The following FGF11 variants were observed in gnomAD, a reference collection of about 807,000 sequenced individuals.
FGF11 encodes the protein fibroblast growth factor homologous factor 3.
A neutral mutation model predicts 25.1 loss-of-function variants in FGF11; 25 were observed. That is an observed-to-expected ratio of 1.00 (90% CI 0.73 to 1.39). The LOEUF (loss-of-function observed/expected upper bound fraction) is 1.39, where lower values mean the gene tolerates loss of function less well. Among genes scored for constraint, FGF11 ranks in the 40% most tolerant of loss-of-function variants. The pLI is 0.00. For missense variants in FGF11, 320 were observed against 311.0 expected, an observed-to-expected ratio of 1.03 and a Z score of -0.22; for synonymous variants, 130 against 128.9, an observed-to-expected ratio of 1.01 and a Z score of -0.06.
In FGF11 at chr17:7,440,958, C is replaced by T; in HGVS notation, c.194-513C>T. 1 of 1,003,638 alleles carries T rather than the reference C, an allele frequency of 1.0e-6. No homozygotes were observed. Among genetic ancestry groups the T allele is most frequent in the Non-Finnish European group, 1.2e-6 (1 of 839,574 alleles). The allele number at this position is 1,003,638 out of a possible 1,614,324, so 62.2% of individuals were successfully genotyped here. On this transcript the variant is annotated intron_variant, in intron 1 of 4. Transcript: ENST00000293829. The surrounding 1 kb of genome is among the most constrained non-coding windows in gnomAD (Gnocchi z 5.4). ...TGGGTCAGTGTCAGACAGGCCGGCG[C>T]TGGGCCAAGGCAAGGCTCTCGCCAA...
rs1222966379 is a variant in FGF11, at chr17:7,439,708, G to A, written c.88G>A (p.Val30Met). The stretch of plus-strand genomic sequence containing the variant: ...CCGGCCGGTGTCGGCGCAGCGGCGC[G>A]TGTGTCCCCGCGGCACCAAGTCCCT... ...GSRPVSAQRR[V>M]CPRGTKSLCQ... The change falls in exon 1 of 5, where the codon GTG becomes ATG. Residue 30 changes from valine to methionine, a missense_variant. Val to Met is a conservative substitution (Grantham distance 21). Coordinates refer to ENST00000293829, the MANE Select transcript of FGF11 (RefSeq NM_004112.4). 6 of 1,567,390 alleles carry A rather than the reference G, an allele frequency of 3.8e-6. No homozygotes were observed. Among genetic ancestry groups the A allele is most frequent in the South Asian group, 3.5e-5 (3 of 85,476 alleles).
At chr17:7,441,703 T>C in intron 2 of FGF11, 73 bp from the exon 3 acceptor site, 1 of 1,565,094 alleles carries the variant, frequency 6.4e-7, no homozygotes, top group Admixed American at 1.8e-5. Context: ...AGGGAAAAAG[T>C]GGAGCTGGGA....
chr17:7,441,198 G>A (rs1247631782), intron 1 of FGF11: 1 of 371,110 alleles, frequency 2.7e-6, no homozygotes, highest in Non-Finnish European at 5.0e-6. Flanking sequence ...TCCCCCTTCT[G>A]GTTGAGCTGT....
In FGF11 at chr17:7,444,581, C is replaced by T. The variant is rs528365688; in HGVS notation, c.*1435C>T. ...ATAGAACTTGCTTTACCTTACAGCT[C>T]ACAACCTCAGCTGGGTTTTAGGTAC... On this transcript the variant is annotated 3_prime_UTR_variant, in exon 5 of 5. Transcript: ENST00000293829. 6.0e-6 allele frequency: 1 copy of T among 167,338 alleles called. No individual in the cohort carries two copies. The highest frequency in any genetic ancestry group is 1.3e-5 in the Non-Finnish European group (1 of 76,152). The allele number at this position is 167,338 out of a possible 1,614,324, so 10.4% of individuals were successfully genotyped here.
At chr17:7,442,559 T>C (rs1358515459) in intron 3 of FGF11, 35 bp from the exon 4 acceptor site, 2 of 1,613,374 alleles carry the variant, frequency 1.2e-6, no homozygotes, top group African/African-American at 1.3e-5. Flanking sequence ...TATCTCTCTG[T>C]CTTTGTGCGC....
At position 7,439,747 on chromosome 17, in the gene FGF11, C is replaced by G; in HGVS notation, c.127C>G (p.Leu43Val). 2 of 1,569,672 alleles carry G rather than the reference C, an allele frequency of 1.3e-6. No homozygotes were observed. Among genetic ancestry groups the G allele is most frequent in the Non-Finnish European group, 8.6e-7 (1 of 1,162,594 alleles). The part of the protein sequence containing the change: ...RGTKSLCQKQ[L>V]LILLSKVRLC... ...CACCAAGTCCCTTTGCCAGAAGCAG[C>G]TCCTCATCCTGCTGTCCAAGGTGCG... The change falls in exon 1 of 5, where the codon CTC (leucine) becomes GTC (valine). Residue 43 changes from leucine (L) to valine (V), a missense_variant. Transcript: ENST00000293829.
At position 7,439,625 on chromosome 17, in the gene FGF11, C is replaced by A. The variant is rs756128069; in HGVS notation, c.5C>A (p.Ala2Glu). The change falls in exon 1 of 5, where the codon GCG becomes GAG. Residue 2 changes from alanine (A) to glutamate (E), a missense_variant. Physicochemically the swap from Ala to Glu is moderately radical, Grantham distance 107 (BLOSUM62 -1). Transcript: ENST00000293829. ...GGTGTCTCCTCCCGGGGCGCTATGG[C>A]GGCGCTGGCCAGTAGCCTGATCCGG... is the stretch of plus-strand genomic sequence containing the variant. The part of the protein sequence containing the change: M[A>E]ALASSLIRQK... The A allele has an allele frequency of 1.2e-5, 17 of 1,438,424 alleles. No individual in the cohort carries two copies. In the Admixed American group the frequency reaches 4.8e-4, roughly 41 times the overall value. The allele number at this position is 1,438,424 out of a possible 1,614,324, so 89.1% of individuals were successfully genotyped here.
chr17:7,442,442 C>T (rs953452533), intron 3 of FGF11, 152 bp from the exon 4 acceptor site: 48 of 1,487,480 alleles, frequency 3.2e-5, no homozygotes, highest in Non-Finnish European at 4.5e-6. Flanking sequence ...CTTCCTTGTC[C>T]TCCCTTTGCT....
chr17:7,440,900 G>GCGGA lies in FGF11; in HGVS notation c.194-569_194-566dup. 1.0e-6 allele frequency: 1 copy of GCGGA among 989,150 alleles called. No individual in the cohort carries two copies. The highest frequency in any genetic ancestry group is 1.2e-6 in the Non-Finnish European group (1 of 832,354). The allele number at this position is 989,150 out of a possible 1,614,324, so 61.3% of individuals were successfully genotyped here. A position where few individuals can be genotyped will look rare whatever the true frequency, so the allele number is the denominator to read the frequency against. On this transcript the variant is annotated intron_variant, in intron 1 of 4. Transcript: ENST00000293829. This position sits in a 1 kb window ranked among gnomAD's most constrained non-coding sequence, Gnocchi z 5.4. ...GGGAGAACTGGGCCCCCGGGAGCCA[G>GCGGA]CGGACTGACAGACAGACAGACAGAC...
At chr17:7,442,365 A>G (rs4151128) in intron 3 of FGF11, 373 of 1,306,514 alleles carry the variant, frequency 2.9e-4, no homozygotes, top group Non-Finnish European at 3.5e-4. Context: ...CGGCCTCCCA[A>G]AGTGTTGGGA....
chr17:7,440,147 A>C lies in FGF11; in HGVS notation c.193+334A>C. ...CGTGCCGGTTCTCGCGATTCTTTCAATCTGGAGCGGAGGGGCCCGGGGGTT... is the reference window on the plus strand; with the variant it reads ...CGTGCCGGTTCTCGCGATTCTTTCACTCTGGAGCGGAGGGGCCCGGGGGTT... On this transcript the variant is annotated intron_variant, in intron 1 of 4. Coordinates refer to ENST00000293829, the MANE Select transcript of FGF11 (RefSeq NM_004112.4). This position sits in a 1 kb window ranked among gnomAD's most constrained non-coding sequence, Gnocchi z 5.4. The C allele has an allele frequency of 2.6e-5, 6 of 232,494 alleles. No individual in the cohort carries two copies. Among genetic ancestry groups the C allele is most frequent in the East Asian group, 8.1e-5 (1 of 12,400 alleles). 14.4% of individuals were successfully genotyped at this position (232,494 alleles called of 1,614,324 possible). A position where few individuals can be genotyped will look rare whatever the true frequency, so the allele number is the denominator to read the frequency against.
In FGF11 at chr17:7,440,774, G is replaced by C. The variant is rs1385024741; in HGVS notation, c.194-697G>C. The C allele has an allele frequency of 1.0e-6, 1 of 986,502 alleles. No individual in the cohort carries two copies. The highest frequency in any genetic ancestry group is 1.2e-6 in the Non-Finnish European group (1 of 830,898). The allele number at this position is 986,502 out of a possible 1,614,324, so 61.1% of individuals were successfully genotyped here. ...TAGGACCGGGCCCCCACGTGACTCAGCCTGCCTCTCCATCTCCTCAGCTCC... is the reference window on the plus strand; with the variant it reads ...TAGGACCGGGCCCCCACGTGACTCACCCTGCCTCTCCATCTCCTCAGCTCC... On this transcript the variant is annotated intron_variant, in intron 1 of 4. Coordinates refer to ENST00000293829, the MANE Select transcript of FGF11 (RefSeq NM_004112.4). The surrounding 1 kb of genome is among the most constrained non-coding windows in gnomAD (Gnocchi z 5.4).
Position 7,441,867 on chromosome 17 carries a change from G to A in FGF11, c.396G>A (p.Leu132=), listed in dbSNP as rs1219862021. The A allele has an allele frequency of 6.2e-7, 1 of 1,604,222 alleles. No homozygotes were observed. The highest frequency in any genetic ancestry group is 1.1e-5 in the South Asian group (1 of 89,500). ...GHYMAMNAEG[L]LYSSPHFTAE... ...ACATGGCCATGAATGCTGAGGGACT[G>A]CTCTACAGTTCGGTGAGACAATGAG... is the stretch of plus-strand genomic sequence containing the variant. Residue 132 remains leucine, a synonymous_variant, in exon 3 of 5, where the codon CTG becomes CTA. Transcript: ENST00000293829.
At chr17:7,442,451 C>G (rs1339958324) in intron 3 of FGF11, 143 bp from the exon 4 acceptor site, 27 of 1,505,066 alleles carry the variant, frequency 1.8e-5, no homozygotes, top group Non-Finnish European at 2.4e-5. Context: ...CCTCCCTTTG[C>G]TCCCAGGTCC....
chr17:7,443,409 A>G lies in FGF11; in HGVS notation c.*263A>G. The G allele has an allele frequency of 4.7e-6, 2 of 424,212 alleles. No homozygotes were observed. Among genetic ancestry groups the G allele is most frequent in the South Asian group, 5.4e-5 (1 of 18,488 alleles). The allele number at this position is 424,212 out of a possible 1,614,324, so 26.3% of individuals were successfully genotyped here. On this transcript the variant is annotated 3_prime_UTR_variant, in exon 5 of 5. Transcript: ENST00000293829. ...TGGCTGATCACTTCTTTCTTTCCAC[A>G]CTCACACAACGCCATGCCTTTTCCT... is the stretch of plus-strand genomic sequence containing the variant.
In FGF11 at chr17:7,442,062, C is replaced by T. The variant is rs1194375137; in HGVS notation, c.408+183C>T. On this transcript the variant is annotated intron_variant, in intron 3 of 4. Coordinates refer to ENST00000293829, the MANE Select transcript of FGF11 (RefSeq NM_004112.4). Reference sequence around the variant, plus strand: ...CAGCTCCTCTAGGGTCTCTCCAGTCCCCACTCCTTGCACACCCCCAAAACA... The same window carrying T: ...CAGCTCCTCTAGGGTCTCTCCAGTCTCCACTCCTTGCACACCCCCAAAACA... 20 of 548,110 alleles carry T rather than the reference C, an allele frequency of 3.6e-5. No individual in the cohort carries two copies. In the Admixed American group the frequency reaches 6.4e-4, roughly 17 times the overall value. 34.0% of individuals were successfully genotyped at this position (548,110 alleles called of 1,614,324 possible).
At position 7,441,888 on chromosome 17, in the gene FGF11, A is replaced by G. The variant is rs375813353; in HGVS notation, c.408+9A>G. 1.8e-5 allele frequency: 28 copies of G among 1,576,524 alleles called. No individual in the cohort carries two copies. The highest frequency in any genetic ancestry group is 2.3e-5 in the Non-Finnish European group (27 of 1,161,730). ...GACTGCTCTACAGTTCGGTGAGACA[A>G]TGAGGCTGAGTGGCCGGGAAATACT... On this transcript the variant is annotated intron_variant, in intron 3 of 4. Transcript: ENST00000293829.
At chr17:7,441,938 C>A in intron 3 of FGF11, 59 bp downstream of exon 3, 1 of 1,289,650 alleles carries the variant, frequency 7.8e-7, no homozygotes, top group African/African-American at 1.5e-5. Flanking sequence ...CTCAATTTGT[C>A]CCTTGAGGGA....
chr17:7,440,804 C>T lies in FGF11; in HGVS notation c.194-667C>T, dbSNP rs1327424261. On this transcript the variant is annotated intron_variant, in intron 1 of 4. Coordinates refer to ENST00000293829, the MANE Select transcript of FGF11 (RefSeq NM_004112.4). This position sits in a 1 kb window ranked among gnomAD's most constrained non-coding sequence, Gnocchi z 5.4. ...CCTCTCCATCTCCTCAGCTCCCACCCCCCATATCCTTGGTAAGGTCCCCCT... is the reference window on the plus strand; with the variant it reads ...CCTCTCCATCTCCTCAGCTCCCACCTCCCATATCCTTGGTAAGGTCCCCCT... The T allele has an allele frequency of 2.0e-6, 2 of 987,484 alleles. No individual in the cohort carries two copies. The highest frequency in any genetic ancestry group is 3.5e-5 in the African/African-American group (2 of 57,230). The allele number at this position is 987,484 out of a possible 1,614,324, so 61.2% of individuals were successfully genotyped here.
Sources: allele counts gnomAD v4.1 joint callset, GRCh38; gene constraint gnomAD v4.1.1; non-coding constraint Gnocchi (gnomAD v3.1); transcripts MANE v1.5; gene names NCBI Gene and HGNC (gene_info 2026-07-23, HGNC 2026-07-21).